Variants in SPTLC1 observed in about 807,000 individuals in gnomAD.
SPTLC1 encodes the protein serine palmitoyltransferase 1.
A neutral mutation model predicts 68.9 loss-of-function variants in SPTLC1; 55 were observed. The ratio of observed to expected loss-of-function variants is 0.80; its 90% CI spans 0.64 to 1.00. SPTLC1 has a LOEUF of 1.00. SPTLC1 is among the 50% of genes least tolerant of loss of function. The probability of loss-of-function intolerance (pLI) is 0.00; values close to 1 mark genes in which losing one functional copy is unlikely to be tolerated. For synonymous variants in SPTLC1, 197 were observed against 201.6 expected (o/e 0.98, Z 0.19); for missense variants, 449 against 573.1 (o/e 0.78, Z 2.21).
intron 14 of SPTLC1, among the ~76,000 whole-genome samples, chr9:92,033,525 C>T (rs1006165161): frequency 2.6e-5 from 4 of 152,196 alleles, no homozygotes; most frequent in Non-Finnish European, 5.9e-5. Context: ...CACCTACGGT[C>T]TTACTAACAA....
rs375293358 is a variant in SPTLC1 at position 92,033,498 on chromosome 9, C to T, written c.1329-940G>A. On this transcript the variant is annotated intron_variant, in intron 14 of 14. Transcript: ENST00000262554. Reference sequence around the variant, plus strand: ...GAGTCCTGAGGGCACAAAACCAGCACGGCTCCCGTCCTCATGCACCTACGG... The same window carrying T: ...GAGTCCTGAGGGCACAAAACCAGCATGGCTCCCGTCCTCATGCACCTACGG... Among the ~76,000 whole-genome samples, 7 of 152,288 alleles carry T rather than the reference C, an allele frequency of 4.6e-5. No homozygotes were observed. In the East Asian group the frequency reaches 9.6e-4, roughly 21 times the overall value.
intron 5 of SPTLC1, among the ~76,000 whole-genome samples, chr9:92,069,443 C>T (rs1017748700): frequency 1.3e-5 from 2 of 152,110 alleles, no homozygotes; most frequent in Non-Finnish European, 1.5e-5. Context: ...TAGGACTTTA[C>T]AACAACACAC....
chr9:92,037,874 C>A (rs1481159528), intron 13 of SPTLC1, among the ~76,000 whole-genome samples: 1 of 152,202 alleles, frequency 6.6e-6, no homozygotes, highest in Non-Finnish European at 1.5e-5. Flanking sequence ...TATGCCCACA[C>A]ACAATGCCTC....
chr9:92,081,342 G>C (rs750822409), intron 3 of SPTLC1, among the ~76,000 whole-genome samples: 13 of 152,126 alleles, frequency 8.5e-5, no homozygotes, highest in Non-Finnish European at 1.3e-4. Context: ...TAAGATCAAA[G>C]GCAAGAATAG....
intron 3 of SPTLC1, among the ~76,000 whole-genome samples, chr9:92,089,948 TA>T (rs2118735132): frequency 1.3e-5 from 2 of 152,230 alleles, no homozygotes; most frequent in African/African-American, 4.8e-5. Flanking sequence ...GCAGGGCAAA[TA>T]ATGATCCACT....
At chr9:92,092,848 C>A (rs1480992166) in intron 3 of SPTLC1, among the ~76,000 whole-genome samples, 1 of 152,216 alleles carries the variant, frequency 6.6e-6, no homozygotes, top group Non-Finnish European at 1.5e-5. Flanking sequence ...AAGTTTGCAG[C>A]AAGTTCATTC....
At chr9:92,086,015 T>C (rs1470534516) in intron 3 of SPTLC1, among the ~76,000 whole-genome samples, 5 of 152,002 alleles carry the variant, frequency 3.3e-5, no homozygotes, top group Non-Finnish European at 5.9e-5. Context: ...TTTGTCTCTT[T>C]TGGTCTTTGT....
intron 5 of SPTLC1, among the ~76,000 whole-genome samples, chr9:92,072,488 A>G (rs1834531557): frequency 1.3e-5 from 2 of 152,076 alleles, no homozygotes; most frequent in Admixed American, 6.6e-5. Flanking sequence ...TCCATTGGGG[A>G]TGCCCACTGA....
chr9:92,094,279 T>C (rs563976479), intron 3 of SPTLC1, among the ~76,000 whole-genome samples: 1 of 152,244 alleles, frequency 6.6e-6, no homozygotes, highest in African/African-American at 2.4e-5. Flanking sequence ...ATGTCATCAA[T>C]TGTATTTTAT....
At chr9:92,039,580 C>T (rs1451120089) in intron 12 of SPTLC1, among the ~76,000 whole-genome samples, 2 of 152,064 alleles carry the variant, frequency 1.3e-5, no homozygotes, top group Non-Finnish European at 2.9e-5. Context: ...TCCTAGGACA[C>T]AAATGTGATA....
intron 13 of SPTLC1, among the ~76,000 whole-genome samples, chr9:92,036,389 T>C (rs914206438): frequency 6.6e-6 from 1 of 152,240 alleles, no homozygotes; most frequent in Admixed American, 6.5e-5. Context: ...TGCGTCTCTT[T>C]GGTACAAAGC....
chr9:92,075,744 T>C (rs1360897002), intron 5 of SPTLC1, among the ~76,000 whole-genome samples: 1 of 152,198 alleles, frequency 6.6e-6, no homozygotes, highest in Admixed American at 6.5e-5. Context: ...ATATAAAACA[T>C]ACTCTCGGCT....
chr9:92,036,784 CA>C (rs1490719627), intron 13 of SPTLC1, among the ~76,000 whole-genome samples: 22 of 152,186 alleles, frequency 1.4e-4, no homozygotes, highest in Admixed American at 1.2e-3. Context: ...ACTCTAATCA[CA>C]AAGATGTCAT....
At chr9:92,047,537 T>C (rs1833559491) in intron 10 of SPTLC1, 76 bp downstream of exon 10, 1 of 1,011,184 alleles carries the variant, frequency 9.9e-7, no homozygotes. Flanking sequence ...AAATTTCGTA[T>C]TTCAAAATTA....
At chr9:92,073,358 C>T (rs1834564963) in intron 5 of SPTLC1, among the ~76,000 whole-genome samples, 1 of 152,238 alleles carries the variant, frequency 6.6e-6, no homozygotes, top group Non-Finnish European at 1.5e-5. Flanking sequence ...TGAGCCTGGC[C>T]TCCAAGGCCA....
At chr9:92,054,262 CA>C (rs1302630216) in intron 8 of SPTLC1, among the ~76,000 whole-genome samples, 1 of 152,118 alleles carries the variant, frequency 6.6e-6, no homozygotes, top group Non-Finnish European at 1.5e-5. Context: ...GCCTGGGCAA[CA>C]TAAGTGAAAC....
chr9:92,056,778 C>A (rs1833905791), intron 7 of SPTLC1, among the ~76,000 whole-genome samples: 1 of 151,914 alleles, frequency 6.6e-6, no homozygotes, highest in Non-Finnish European at 1.5e-5. Context: ...ATTTTACAAC[C>A]CACAGCAGTA....
chr9:92,041,372 C>T (rs1264309006), intron 12 of SPTLC1, among the ~76,000 whole-genome samples: 1 of 152,044 alleles, frequency 6.6e-6, no homozygotes, highest in African/African-American at 2.4e-5. Flanking sequence ...AGAGTAAGAA[C>T]ACAGTGCAAT....
At chr9:92,115,198 A>G in intron 1 of SPTLC1, 116 bp downstream of exon 1, 9 of 976,422 alleles carry the variant, frequency 9.2e-6, no homozygotes, top group Non-Finnish European at 1.3e-5. Flanking sequence ...AGAGGCACCG[A>G]GTCTGGGCGT....
Sources: gnomAD v4.1 joint callset for allele counts (sites outside exome capture counted in the v4.1 genomes callset) on GRCh38, gnomAD v4.1.1 for gene constraint, MANE v1.5 for transcripts, NCBI Gene and HGNC (gene_info 2026-07-23, HGNC 2026-07-21) for gene names.